NINL: variants seen among roughly 807,000 people sequenced by gnomAD.
NINL encodes the protein ninein like.
NINL carries 153 observed loss-of-function variants against 160.3 expected under a neutral mutation model. That is an observed-to-expected ratio of 0.95 (90% CI 0.84 to 1.09). The LOEUF is 1.09. Among genes scored for constraint, NINL ranks in the 50% least tolerant of loss-of-function variants. The probability of loss-of-function intolerance (pLI) is 0.00; values close to 1 mark genes in which losing one functional copy is unlikely to be tolerated. For synonymous variants in NINL, 800 were observed against 734.8 expected, an observed-to-expected ratio of 1.09 and a Z score of -1.43; for missense variants, 1,829 against 1,764.0, an observed-to-expected ratio of 1.04 and a Z score of -0.66.
chr20:25,579,653 G>C (rs1469146219), intron 1 of NINL, among the ~76,000 whole-genome samples: 1 of 152,156 alleles, frequency 6.6e-6, no homozygotes. Flanking sequence ...TACCCTGGCT[G>C]GGGGCACCAG....
At chr20:25,472,622 C>G (rs2063134751) in intron 17 of NINL, among the ~76,000 whole-genome samples, 1 of 151,522 alleles carries the variant, frequency 6.6e-6, no homozygotes, top group Non-Finnish European at 1.5e-5. Flanking sequence ...CTCAACCTCC[C>G]AGGCTCAAGT....
chr20:25,455,263 A>G (rs1266785632), intron 23 of NINL, among the ~76,000 whole-genome samples: 4 of 151,790 alleles, frequency 2.6e-5, no homozygotes, highest in Non-Finnish European at 4.4e-5. Flanking sequence ...TTCCACCTCT[A>G]TTCTCTCATT....
intron 23 of NINL, among the ~76,000 whole-genome samples, chr20:25,454,355 G>C (rs569905345): frequency 3.4e-4 from 52 of 152,324 alleles, no homozygotes; most frequent in Admixed American, 2.0e-4. Context: ...GCCCTGGGCT[G>C]TGGCCTGTGC....
chr20:25,460,979 G>A (rs1600992385), intron 21 of NINL, among the ~76,000 whole-genome samples: 1 of 152,120 alleles, frequency 6.6e-6, no homozygotes, highest in African/African-American at 2.4e-5. Flanking sequence ...AGCATCCCCT[G>A]AGCCGGCTCC....
At chr20:25,481,206 TG>T (rs983307798) in intron 14 of NINL, among the ~76,000 whole-genome samples, 2 of 152,152 alleles carry the variant, frequency 1.3e-5, no homozygotes, top group African/African-American at 4.8e-5. Flanking sequence ...TCTGAGGGGC[TG>T]AGGTTGCCAT....
intron 1 of NINL, among the ~76,000 whole-genome samples, chr20:25,534,467 G>GT (rs2064522968): frequency 6.6e-6 from 1 of 152,190 alleles, no homozygotes; most frequent in Non-Finnish European, 1.5e-5. Flanking sequence ...AGGTGATTTT[G>GT]TTGTTATGCA....
chr20:25,569,511 C>G (rs1001140039), intron 1 of NINL, among the ~76,000 whole-genome samples: 1 of 152,218 alleles, frequency 6.6e-6, no homozygotes, highest in Admixed American at 6.5e-5. Flanking sequence ...CCACTGCATG[C>G]CTGCAGCTCT....
chr20:25,579,906 T>A (rs1433562522), intron 1 of NINL, among the ~76,000 whole-genome samples: 1 of 152,198 alleles, frequency 6.6e-6, no homozygotes, highest in Non-Finnish European at 1.5e-5. Flanking sequence ...AATGTAAAAT[T>A]CTTTACCAGA....
At chr20:25,517,977 C>G in intron 2 of NINL, 128 bp from the exon 3 acceptor site, 2 of 523,200 alleles carry the variant, frequency 3.8e-6, no homozygotes, top group Non-Finnish European at 6.6e-6. Flanking sequence ...AGAACATTCA[C>G]GTTTTCAAAT....
In NINL at chr20:25,482,008, C is replaced by T. The variant is rs754489733; in HGVS notation, c.1770G>A (p.Pro590=). The T allele has an allele frequency of 1.3e-5, 21 of 1,598,450 alleles. No homozygotes were observed. The highest frequency in any genetic ancestry group is 3.4e-4 in the Middle Eastern group (2 of 5,936). The part of the protein sequence containing the change: ...PKNRHSPSWS[P]DGRRRQLPGL... ...CAGGGAGCTGCCGTCTGCGCCCATC[C>T]GGGCTCCATGAGGGGCTGTGCCGGT... The change falls in exon 14 of 24, where the codon CCG becomes CCA. Residue 590 remains proline (P), a synonymous_variant. Coordinates refer to ENST00000278886, the MANE Select transcript of NINL (RefSeq NM_025176.6).
At chr20:25,571,730 A>T (rs1159608731) in intron 1 of NINL, among the ~76,000 whole-genome samples, 1 of 151,916 alleles carries the variant, frequency 6.6e-6, no homozygotes, top group Non-Finnish European at 1.5e-5. Context: ...AGCTGGGCAT[A>T]GTGGCACACG....
chr20:25,498,381 G>A, intron 8 of NINL, 35 bp from the exon 9 acceptor site: 1 of 1,608,696 alleles, frequency 6.2e-7, no homozygotes, highest in Non-Finnish European at 8.5e-7. Flanking sequence ...AGGAGAGGCT[G>A]AGGGACTTCC....
Position 25,480,923 on chromosome 20 carries a change from C to T in NINL, c.1811-656G>A, listed in dbSNP as rs539641636. Among the ~76,000 whole-genome samples the T allele has an allele frequency of 9.9e-5, 15 of 152,172 alleles. No individual in the cohort carries two copies. In the South Asian group the frequency reaches 1.7e-3, roughly 17 times the overall value. On this transcript the variant is annotated intron_variant, in intron 14 of 23. Coordinates refer to ENST00000278886, the MANE Select transcript of NINL (RefSeq NM_025176.6). Reference sequence around the variant, plus strand: ...TATGTGCGTTTCTGGGATGGGTGGCCGGTGGGGTCTTGCACCTCCCTGCAG... The same window carrying T: ...TATGTGCGTTTCTGGGATGGGTGGCTGGTGGGGTCTTGCACCTCCCTGCAG...
intron 1 of NINL, among the ~76,000 whole-genome samples, chr20:25,581,196 C>T (rs988256293): frequency 5.9e-5 from 9 of 152,198 alleles, no homozygotes; most frequent in Non-Finnish European, 1.3e-4. Flanking sequence ...ATCCCATCAT[C>T]GCTTTGGGAA....
chr20:25,554,596 G>A (rs2064843139), intron 1 of NINL, among the ~76,000 whole-genome samples: 1 of 132,132 alleles, frequency 7.6e-6, no homozygotes, highest in South Asian at 2.5e-4. Context: ...ACCAGCATGA[G>A]CAACATAGTA....
Position 25,470,019 on chromosome 20 carries a change from C to T in NINL, c.3325G>A (p.Ala1109Thr). 5.6e-6 allele frequency: 9 copies of T among 1,614,188 alleles called. No individual in the cohort carries two copies. The highest frequency in any genetic ancestry group is 7.6e-6 in the Non-Finnish European group (9 of 1,180,008). The change falls in exon 18 of 24, where the codon GCT (alanine) becomes ACT (threonine). Residue 1109 changes from alanine to threonine, a missense_variant. Coordinates refer to ENST00000278886, the MANE Select transcript of NINL (RefSeq NM_025176.6). ...TGTGCATCGTGAGTACTTTCTGCAG[C>T]TTCAAGCTCTTGCCGAACCCTTCCC... The part of the protein sequence containing the change: ...DLGRVRQELE[A>T]AESTHDAQRK...
At chr20:25,488,101 G>T (rs2063540208) in intron 13 of NINL, among the ~76,000 whole-genome samples, 1 of 152,204 alleles carries the variant, frequency 6.6e-6, no homozygotes, top group African/African-American at 2.4e-5. Flanking sequence ...ATCACTCTGT[G>T]TCATACAGCA....
At chr20:25,506,675 T>C (rs1568926042) in intron 5 of NINL, among the ~76,000 whole-genome samples, 1 of 152,238 alleles carries the variant, frequency 6.6e-6, no homozygotes, top group Non-Finnish European at 1.5e-5. Context: ...ATGTGTTCAA[T>C]GTCTCATGTA....
chr20:25,584,649 A>AT (rs2065207796), intron 1 of NINL, among the ~76,000 whole-genome samples: 1 of 152,132 alleles, frequency 6.6e-6, no homozygotes, highest in Non-Finnish European at 1.5e-5. Context: ...CGCCAGCTTC[A>AT]TGGGTCTCTT....
Sources: gnomAD v4.1 joint callset for allele counts (sites outside exome capture counted in the v4.1 genomes callset) on GRCh38, gnomAD v4.1.1 for gene constraint, MANE v1.5 for transcripts, NCBI Gene and HGNC (gene_info 2026-07-23, HGNC 2026-07-21) for gene names.